The following GALNT13 variants were observed in gnomAD, a reference collection of about 807,000 sequenced individuals.
GALNT13 encodes UDP-GalNAc:polypeptide N-acetylgalactosaminyltransferase 13.
GALNT13 carries 28 observed loss-of-function variants against 64.2 expected under a neutral mutation model. The observed-to-expected ratio is 0.44, with a 90% CI of 0.32 to 0.60. The LOEUF is 0.60. GALNT13 is among the 20% of genes least tolerant of loss of function. The pLI is 0.05. For missense variants in GALNT13, 577 were observed against 669.8 expected (o/e 0.86, Z 1.53); for synonymous variants, 214 against 224.6 (o/e 0.95, Z 0.42).
intron 9 of GALNT13, among the ~76,000 whole-genome samples, chr2:154,355,124 G>A (rs707031): frequency 0.99 from 150,228 of 152,196 alleles, 74,180 homozygotes; most frequent in East Asian, 1. Flanking sequence ...AATACTACAC[G>A]GCAGCTTTGT....
chr2:153,588,194 G>A, the GALNT13 span, among the ~76,000 whole-genome samples: 1 of 152,176 alleles, frequency 6.6e-6, no homozygotes, highest in South Asian at 2.1e-4. Context: ...CAGGCAAAGG[G>A]TAAAAGATGT....
At chr2:153,973,322 G>C (rs185435877) in intron 3 of GALNT13, among the ~76,000 whole-genome samples, 1 of 151,866 alleles carries the variant, frequency 6.6e-6, no homozygotes, top group Non-Finnish European at 1.5e-5. Flanking sequence ...TCTGAAATGT[G>C]TCAACATCAT....
At chr2:154,339,683 A>G (rs1349309333) in intron 9 of GALNT13, among the ~76,000 whole-genome samples, 1 of 152,170 alleles carries the variant, frequency 6.6e-6, no homozygotes, top group Admixed American at 6.5e-5. Context: ...CTTTAGTGAC[A>G]ATGGATAGTA....
intron 3 of GALNT13, among the ~76,000 whole-genome samples, chr2:154,075,826 C>T (rs1700959460): frequency 6.6e-6 from 1 of 151,598 alleles, no homozygotes; most frequent in Non-Finnish European, 1.5e-5. Flanking sequence ...TTCATGTGAT[C>T]ATAGGCTATT....
chr2:153,630,779 A>ATG, the GALNT13 span, among the ~76,000 whole-genome samples: 1 of 9,160 alleles, frequency 1.1e-4, no homozygotes. Flanking sequence ...ATATATATAT[A>ATG]TATATATATA....
At chr2:154,099,642 A>G (rs565615887) in intron 3 of GALNT13, among the ~76,000 whole-genome samples, 3 of 152,016 alleles carry the variant, frequency 2.0e-5, no homozygotes, top group East Asian at 1.9e-4. Flanking sequence ...TGGCTAGCCA[A>G]TTTTCCCAGC....
intron 4 of GALNT13, among the ~76,000 whole-genome samples, chr2:154,179,580 G>C (rs1291439738): frequency 6.6e-6 from 1 of 151,980 alleles, no homozygotes; most frequent in Non-Finnish European, 1.5e-5. Context: ...ATTTTTGCAG[G>C]GTTGTATCTT....
At chr2:154,446,258 A>G (rs1218159877) in intron 12 of GALNT13, among the ~76,000 whole-genome samples, 1 of 152,094 alleles carries the variant, frequency 6.6e-6, no homozygotes, top group African/African-American at 2.4e-5. Context: ...ACTAAAAAGC[A>G]TTGTATTACT....
chr2:153,162,238 A>AT, the GALNT13 span, among the ~76,000 whole-genome samples: 3 of 152,034 alleles, frequency 2.0e-5, no homozygotes, highest in African/African-American at 7.2e-5. Context: ...GTACAGGGTT[A>AT]TTTTTTTACT....
chr2:153,549,562 C>T, the GALNT13 span, among the ~76,000 whole-genome samples: 2 of 152,112 alleles, frequency 1.3e-5, no homozygotes, highest in African/African-American at 4.8e-5. Flanking sequence ...TCTTAGAAAA[C>T]TGTAGCCATA....
At chr2:153,469,086 G>A in the GALNT13 span, among the ~76,000 whole-genome samples, 1 of 152,050 alleles carries the variant, frequency 6.6e-6, no homozygotes, top group South Asian at 2.1e-4. Flanking sequence ...TCCTGAAAAA[G>A]AAACTGTCCA....
intron 3 of GALNT13, among the ~76,000 whole-genome samples, chr2:153,969,279 A>G (rs931182464): frequency 3.3e-5 from 5 of 152,054 alleles, no homozygotes; most frequent in Admixed American, 6.5e-5. Context: ...CCCATAATTT[A>G]CCTGAAGTTA....
At chr2:153,451,671 G>A in the GALNT13 span, among the ~76,000 whole-genome samples, 36 of 152,132 alleles carry the variant, frequency 2.4e-4, no homozygotes, top group African/African-American at 7.7e-4. Context: ...GTATGTTTTT[G>A]TTTTGAACTA....
chr2:153,659,272 G>T, the GALNT13 span, among the ~76,000 whole-genome samples: 10 of 151,998 alleles, frequency 6.6e-5, no homozygotes, highest in South Asian at 2.1e-3. Flanking sequence ...AAACATTTCT[G>T]TGAAGACTCA....
chr2:153,661,652 T>C, the GALNT13 span, among the ~76,000 whole-genome samples: 3 of 152,202 alleles, frequency 2.0e-5, no homozygotes, highest in East Asian at 1.9e-4. Flanking sequence ...GCATAATTTA[T>C]ATCTTGCTTG....
At chr2:153,811,800 T>G in the GALNT13 span, among the ~76,000 whole-genome samples, 1 of 152,190 alleles carries the variant, frequency 6.6e-6, no homozygotes. Flanking sequence ...CCTCTTTTGA[T>G]TTCTAAGGCT....
the GALNT13 span, among the ~76,000 whole-genome samples, chr2:153,108,780 T>C: frequency 2.0e-5 from 3 of 152,170 alleles, no homozygotes; most frequent in African/African-American, 7.2e-5. Context: ...AGTCAAGTTT[T>C]ATTAACTTGC....
chr2:153,735,524 T>C, the GALNT13 span, among the ~76,000 whole-genome samples: 3 of 152,196 alleles, frequency 2.0e-5, no homozygotes, highest in South Asian at 2.1e-4. Context: ...GAATTTGCTT[T>C]TGTAATAACT....
rs191322653 is a variant in GALNT13 at position 154,290,374 on chromosome 2, T to C, written c.976-11035T>C. 1.8e-4 allele frequency among the ~76,000 whole-genome samples: 27 copies of C among 152,356 alleles called. No individual in the cohort carries two copies. In the South Asian group the frequency reaches 4.8e-3, roughly 27 times the overall value. On this transcript the variant is annotated intron_variant, in intron 8 of 12. Coordinates refer to ENST00000392825, the MANE Select transcript of GALNT13 (RefSeq NM_052917.4). ...AAGCCAAGGAAGGAAGCAAGGGGCATGCCCACTCTCCTGTTAAGGCAAGCC... is the reference window on the plus strand; with the variant it reads ...AAGCCAAGGAAGGAAGCAAGGGGCACGCCCACTCTCCTGTTAAGGCAAGCC...
Sources: gnomAD v4.1 joint callset for allele counts (sites outside exome capture counted in the v4.1 genomes callset) on GRCh38, gnomAD v4.1.1 for gene constraint, MANE v1.5 for transcripts, NCBI Gene and HGNC (gene_info 2026-07-23, HGNC 2026-07-21) for gene names.